The following PRSS2 variants were observed in gnomAD, a reference collection of about 807,000 sequenced individuals.
The protein encoded by PRSS2 is serine protease 2.
In PRSS2, 19 loss-of-function variants were observed where a neutral mutation model predicts 19.2. The observed-to-expected ratio is 0.99, with a 90% CI of 0.69 to 1.45. The LOEUF (loss-of-function observed/expected upper bound fraction) is 1.45. Ranked by LOEUF, PRSS2 falls within the 40% of genes most tolerant of loss-of-function variation. The probability of loss-of-function intolerance (pLI) is 0.00; values close to 1 mark genes in which losing one functional copy is unlikely to be tolerated. For synonymous variants in PRSS2, 107 were observed against 117.5 expected, an observed-to-expected ratio of 0.91 and a Z score of 0.58; for missense variants, 288 against 294.4, an observed-to-expected ratio of 0.98 and a Z score of 0.16.
At chr7:142,772,580 A>G (rs377548784) in intron 2 of PRSS2, 7 of 518,028 alleles carry the variant, frequency 1.4e-5, no homozygotes, top group Admixed American at 9.9e-5. Context: ...ACTCAAAATT[A>G]TCAGGAAGAG....
chr7:142,772,638 G>A, intron 2 of PRSS2: 1 of 655,532 alleles, frequency 1.5e-6, no homozygotes, highest in South Asian at 1.8e-5. Flanking sequence ...GGTAACTGTA[G>A]AGTGTATAGA....
intron 1 of PRSS2, among the ~76,000 whole-genome samples, chr7:142,771,272 G>C (rs1324897978): frequency 6.6e-6 from 1 of 152,232 alleles, no homozygotes. Context: ...AGGGAGACCA[G>C]GTGGGGCTGG....
At chr7:142,771,542 C>T (rs1799892983) in intron 1 of PRSS2, among the ~76,000 whole-genome samples, 2 of 152,206 alleles carry the variant, frequency 1.3e-5, no homozygotes, top group African/African-American at 2.4e-5. Flanking sequence ...ATAACGTATA[C>T]CTTTGTTCTG....
chr7:142,773,058 C>A (rs1800087122), intron 2 of PRSS2, among the ~76,000 whole-genome samples: 1 of 152,062 alleles, frequency 6.6e-6, no homozygotes, highest in Non-Finnish European at 1.5e-5. Flanking sequence ...TTCCCCACTC[C>A]ACTACCACCA....
At chr7:142,771,862 G>C (rs1189626158) in intron 1 of PRSS2, among the ~76,000 whole-genome samples, 187 bp from the exon 2 acceptor site, 7 of 152,238 alleles carry the variant, frequency 4.6e-5, no homozygotes, top group Non-Finnish European at 1.0e-4. Context: ...CTAGCTACGT[G>C]CCCTGCAGAC....
chr7:142,771,618 CTGGTCATGGCCAAG>C (rs1482531817), intron 1 of PRSS2, among the ~76,000 whole-genome samples: 5 of 152,026 alleles, frequency 3.3e-5, no homozygotes, highest in African/African-American at 1.2e-4. Context: ...GAGGGGGAAA[CTGGTCATGGCCAAG>C]TCGATGTCGC....
chr7:142,773,996 A>G lies in PRSS2; in HGVS notation c.532A>G (p.Lys178Glu). The G allele has an allele frequency of 1.9e-6, 3 of 1,608,300 alleles. No individual in the cohort carries two copies. Among genetic ancestry groups the G allele is most frequent in the Non-Finnish European group, 1.7e-6 (2 of 1,174,728 alleles). ...TGAGTGTGAAGCCTCCTACCCTGGA[A>G]AGATTACCAACAACATGTTCTGTGT... is the stretch of plus-strand genomic sequence containing the variant. ...QAECEASYPG[K>E]ITNNMFCVGF... is the part of the protein sequence containing the mutation. Residue 178 changes from lysine to glutamate, a missense_variant, in exon 4 of 5, where the codon AAG becomes GAG. By Grantham distance (56) the Lys-to-Glu change is moderately conservative. Transcript: ENST00000539842.
At chr7:142,772,292 G>A in intron 2 of PRSS2, 84 bp downstream of exon 2, 1 of 1,523,156 alleles carries the variant, frequency 6.6e-7, no homozygotes, top group Non-Finnish European at 9.1e-7. Flanking sequence ...TACTGAGGTT[G>A]GGTAGGACGG....
Position 142,773,941 on chromosome 7 carries a change from G to A in PRSS2, c.477G>A (p.Gln159=). The A allele has an allele frequency of 6.2e-7, 1 of 1,613,348 alleles. No individual in the cohort carries two copies. Among genetic ancestry groups the A allele is most frequent in the Non-Finnish European group, 8.5e-7 (1 of 1,179,248 alleles). ...CAGCCGACTACCCAGACGAGCTGCA[G>A]TGCCTGGATGCTCCTGTGCTGAGCC... The part of the protein sequence containing the change: ...SSGADYPDEL[Q]CLDAPVLSQA... Residue 159 remains glutamine, a synonymous_variant, in exon 4 of 5, where the codon CAG becomes CAA. Coordinates refer to ENST00000539842, the MANE Select transcript of PRSS2 (RefSeq NM_002770.4).
chr7:142,772,794 T>C (rs924895718), intron 2 of PRSS2, among the ~76,000 whole-genome samples: 1 of 152,134 alleles, frequency 6.6e-6, no homozygotes, highest in South Asian at 2.1e-4. Context: ...AGAACTTACA[T>C]TTCTAACAAA....
chr7:142,773,904 T>C lies in PRSS2; in HGVS notation c.455-15T>C. 1 of 1,609,704 alleles carries C rather than the reference T, an allele frequency of 6.2e-7. No individual in the cohort carries two copies. The highest frequency in any genetic ancestry group is 1.1e-5 in the South Asian group (1 of 90,898). Reference sequence around the variant, plus strand: ...ACCCACATTTCTTTCTTTGTTCTCTTCCTGATCCTCACAGCCGACTACCCA... The same window carrying C: ...ACCCACATTTCTTTCTTTGTTCTCTCCCTGATCCTCACAGCCGACTACCCA... On this transcript the variant is annotated splice_polypyrimidine_tract_variant and intron_variant, in intron 3 of 4. Coordinates refer to ENST00000539842, the MANE Select transcript of PRSS2 (RefSeq NM_002770.4).
Position 142,774,008 on chromosome 7 carries a change from A to G in PRSS2, c.544A>G (p.Asn182Asp), listed in dbSNP as rs1368055372. The G allele has an allele frequency of 1.2e-5, 19 of 1,607,136 alleles. No homozygotes were observed. Among genetic ancestry groups the G allele is most frequent in the African/African-American group, 8.0e-5 (6 of 74,790 alleles). ...EASYPGKITNNMFCVGFLEGG... is the reference protein window; with the variant it reads ...EASYPGKITNDMFCVGFLEGG... ...CTCCTACCCTGGAAAGATTACCAAC[A>G]ACATGTTCTGTGTGGGCTTCCTCGA... Residue 182 changes from asparagine to aspartate, a missense_variant, in exon 4 of 5, where the codon AAC becomes GAC. Transcript: ENST00000539842.
At chr7:142,774,089 C>T in intron 4 of PRSS2, 34 bp downstream of exon 4, 1 of 1,567,146 alleles carries the variant, frequency 6.4e-7, no homozygotes, top group Non-Finnish European at 8.8e-7. Context: ...GAGGCTCCCA[C>T]TGATAACCAG....
At chr7:142,771,614 G>C (rs1424315350) in intron 1 of PRSS2, among the ~76,000 whole-genome samples, 1 of 152,048 alleles carries the variant, frequency 6.6e-6, no homozygotes, top group African/African-American at 2.4e-5. Flanking sequence ...AGCTGAGGGG[G>C]AAACTGGTCA....
At chr7:142,772,944 T>A (rs1022104292) in intron 2 of PRSS2, among the ~76,000 whole-genome samples, 2 of 152,170 alleles carry the variant, frequency 1.3e-5, no homozygotes, top group African/African-American at 4.8e-5. Flanking sequence ...TTGGGAAAAC[T>A]TCAAGGAGCT....
chr7:142,773,960 C>A lies in PRSS2; in HGVS notation c.496C>A (p.Leu166Met). ...DELQCLDAPV[L>M]SQAECEASYP... ...GCTGCAGTGCCTGGATGCTCCTGTG[C>A]TGAGCCAGGCTGAGTGTGAAGCCTC... The change falls in exon 4 of 5, where the codon CTG becomes ATG. Residue 166 changes from leucine to methionine, a missense_variant. By Grantham distance (15) the Leu-to-Met change is conservative. Coordinates refer to ENST00000539842, the MANE Select transcript of PRSS2 (RefSeq NM_002770.4). The A allele has an allele frequency of 6.2e-7, 1 of 1,612,578 alleles. No individual in the cohort carries two copies. Among genetic ancestry groups the A allele is most frequent in the East Asian group, 2.2e-5 (1 of 44,860 alleles).
Position 142,772,057 on chromosome 7 carries a change from C to A in PRSS2, c.49C>A (p.Pro17Thr). ...TCCCATCTCCACTCCAGTTGCTGCC[C>A]CCTTTGATGATGATGACAAGATCGT... ...LTFVAAAVAA[P>T]FDDDDKIVGG... is the part of the protein sequence containing the mutation. Residue 17 changes from proline to threonine, a missense_variant, in exon 2 of 5, where the codon CCC becomes ACC. Physicochemically the swap from Pro to Thr is conservative, Grantham distance 38. Coordinates refer to ENST00000539842, the MANE Select transcript of PRSS2 (RefSeq NM_002770.4). 2 of 1,478,828 alleles carry A rather than the reference C, an allele frequency of 1.4e-6. No individual in the cohort carries two copies. Among genetic ancestry groups the A allele is most frequent in the Non-Finnish European group, 1.8e-6 (2 of 1,100,230 alleles). 91.6% of individuals were successfully genotyped at this position (1,478,828 alleles called of 1,614,324 possible). A position where few individuals can be genotyped will look rare whatever the true frequency, so the allele number is the denominator to read the frequency against.
chr7:142,771,423 C>G (rs932285836), intron 1 of PRSS2, among the ~76,000 whole-genome samples: 1 of 152,252 alleles, frequency 6.6e-6, no homozygotes, highest in Non-Finnish European at 1.5e-5. Context: ...ATTCTCACTT[C>G]AATTGTCTGG....
chr7:142,773,999 A>C lies in PRSS2; in HGVS notation c.535A>C (p.Ile179Leu). The C allele has an allele frequency of 6.2e-7, 1 of 1,608,056 alleles. No individual in the cohort carries two copies. ...AECEASYPGK[I>L]TNNMFCVGFL... ...GTGTGAAGCCTCCTACCCTGGAAAG[A>C]TTACCAACAACATGTTCTGTGTGGG... The change falls in exon 4 of 5, where the codon ATT (isoleucine) becomes CTT (leucine). Residue 179 changes from isoleucine (I) to leucine (L), a missense_variant. Transcript: ENST00000539842.
Sources: allele counts gnomAD v4.1 joint callset (sites outside exome capture counted in the v4.1 genomes callset), GRCh38; gene constraint gnomAD v4.1.1; transcripts MANE v1.5; gene names NCBI Gene and HGNC (gene_info 2026-07-23, HGNC 2026-07-21).